The following SLC7A5 variants were observed in gnomAD, a reference collection of about 807,000 sequenced individuals.
The protein encoded by SLC7A5 is solute carrier family 7 member 5, also known as large neutral amino acids transporter small subunit 1.
In SLC7A5, 23 loss-of-function variants were observed where a neutral mutation model predicts 50.2. That is an observed-to-expected ratio of 0.46 (90% confidence interval 0.33 to 0.65). SLC7A5 has a LOEUF of 0.65. SLC7A5 is among the 30% of genes least tolerant of loss of function. SLC7A5 has a pLI of 0.02. For missense variants in SLC7A5, 578 were observed against 684.4 expected (o/e 0.84, Z 1.73); for synonymous variants, 393 against 330.6 (o/e 1.19, Z -2.05).
At position 87,861,455 on chromosome 16, in the gene SLC7A5, G is replaced by C. The variant is rs192943676; in HGVS notation, c.538+7430C>G. On this transcript the variant is annotated intron_variant, in intron 1 of 9. Transcript: ENST00000261622. The surrounding 1 kb of genome is among the most constrained non-coding windows in gnomAD (Gnocchi z 4.2). ...TGCCTGATGACAAATGGTGGCCTCA[G>C]TGTAGAGGTGGGCACTGTGGCCCCT... Among the ~76,000 whole-genome samples the C allele has an allele frequency of 1.1e-4, 17 of 152,302 alleles. 1 individual carries two copies. In the East Asian group the frequency reaches 2.9e-3, roughly 26 times the overall value.
rs528553166 is a variant in SLC7A5, at chr16:87,863,872, G to A, written c.538+5013C>T. Among the ~76,000 whole-genome samples the A allele has an allele frequency of 3.9e-3, 589 of 151,390 alleles. 2 individuals are homozygous for A. The highest frequency in any genetic ancestry group is 0.012 in the African/African-American group (489 of 41,314). On this transcript the variant is annotated intron_variant, in intron 1 of 9. Transcript: ENST00000261622. ...GCCCGAGGGCTGAGGATCCAGACCC[G>A]AAAGCCACTGTACCTTCTGTAGGAT...
rs189022360 is a variant in SLC7A5, at chr16:87,830,846, C to T, written c.*2124G>A. 86 of 152,468 alleles carry T rather than the reference C, an allele frequency of 5.6e-4. No individual in the cohort carries two copies. The highest frequency in any genetic ancestry group is 1.2e-3 in the Non-Finnish European group (83 of 68,110). 9.4% of individuals were successfully genotyped at this position (152,468 alleles called of 1,614,324 possible). ...GTGCCGTCGAGAGGCCGCCGGCTCC[C>T]TGTATCCTTGAGGCATGTCCACGTC... On this transcript the variant is annotated 3_prime_UTR_variant, in exon 10 of 10. Transcript: ENST00000261622.
At chr16:87,844,895 C>G (rs879848393) in intron 2 of SLC7A5, among the ~76,000 whole-genome samples, 1 of 152,254 alleles carries the variant, frequency 6.6e-6, no homozygotes, top group South Asian at 2.1e-4. Flanking sequence ...GCTGCAAATG[C>G]GGTCTCCGCA....
intron 1 of SLC7A5, among the ~76,000 whole-genome samples, chr16:87,858,644 G>C (rs1419595442): frequency 6.6e-6 from 1 of 152,128 alleles, no homozygotes; most frequent in Non-Finnish European, 1.5e-5. Context: ...GGACATCCAG[G>C]TCTCCTAAAT....
intron 7 of SLC7A5, 31 bp from the exon 8 acceptor site, chr16:87,836,678 G>A: frequency 6.2e-7 from 1 of 1,608,110 alleles, no homozygotes; most frequent in Non-Finnish European, 8.5e-7. Context: ...GCTGAGCCCT[G>A]GGGCCCACGA....
At position 87,853,579 on chromosome 16, in the gene SLC7A5, G is replaced by A. The variant is rs1373364780; in HGVS notation, c.539-1730C>T. Among the ~76,000 whole-genome samples the A allele has an allele frequency of 6.6e-6, 1 of 152,200 alleles. No individual in the cohort carries two copies. Among genetic ancestry groups the A allele is most frequent in the Non-Finnish European group, 1.5e-5 (1 of 68,038 alleles). On this transcript the variant is annotated intron_variant, in intron 1 of 9. Coordinates refer to ENST00000261622, the MANE Select transcript of SLC7A5 (RefSeq NM_003486.7). This position sits in a 1 kb window ranked among gnomAD's most constrained non-coding sequence, Gnocchi z 4.4. ...CAGGGCTCAGCAGGGTCAGGTCAGT[G>A]GGTCTAGGCAGCTCCTTGTCCGCTG... is the stretch of plus-strand genomic sequence containing the variant.
At chr16:87,835,688 A>T (rs551642836) in intron 8 of SLC7A5, among the ~76,000 whole-genome samples, 1 of 152,042 alleles carries the variant, frequency 6.6e-6, no homozygotes, top group African/African-American at 2.4e-5. Flanking sequence ...GTTAGCCAGG[A>T]TGGTCTCTAT....
At chr16:87,863,635 A>T (rs1174894874) in intron 1 of SLC7A5, 2 of 152,124 alleles carry the variant, frequency 1.3e-5, no homozygotes, top group African/African-American at 2.4e-5. Context: ...CACGCGTGAA[A>T]GGACCTCATC....
chr16:87,866,663 C>T (rs1253005134), intron 1 of SLC7A5, among the ~76,000 whole-genome samples: 1 of 152,124 alleles, frequency 6.6e-6, no homozygotes, highest in Non-Finnish European at 1.5e-5. Flanking sequence ...GATGGGGTTT[C>T]ACCATGTTGG....
intron 2 of SLC7A5, among the ~76,000 whole-genome samples, chr16:87,849,386 A>C (rs1258884881): frequency 6.6e-6 from 1 of 152,248 alleles, no homozygotes; most frequent in African/African-American, 2.4e-5. Context: ...AAAGCTCAGA[A>C]GGGAATTGCT....
chr16:87,866,542 T>TA (rs2055463421), intron 1 of SLC7A5, among the ~76,000 whole-genome samples: 1 of 152,132 alleles, frequency 6.6e-6, no homozygotes. Context: ...CTCAGCTCAC[T>TA]GCAACCTCCA....
In SLC7A5 at chr16:87,832,980, T is replaced by G; in HGVS notation, c.1514A>C (p.Gln505Pro). 6.2e-7 allele frequency: 1 copy of G among 1,613,694 alleles called. No homozygotes were observed. The highest frequency in any genetic ancestry group is 8.5e-7 in the Non-Finnish European group (1 of 1,179,764). Reference protein sequence around the residue: ...LCQKLMQVVPQET With the variant: ...LCQKLMQVVPPET ...CACTCGGCCTCCTGGCTATGTCTCC[T>G]GGGGGACCACCTGCATGAGCTTCTG... The change falls in exon 10 of 10, where the codon CAG becomes CCG. Residue 505 changes from glutamine (Q) to proline (P), a missense_variant. This residue lies in a region of SLC7A5 where 465 missense variants were observed against 594.6 expected (regional missense o/e 0.78). Coordinates refer to ENST00000261622, the MANE Select transcript of SLC7A5 (RefSeq NM_003486.7). This position sits in a 1 kb window ranked among gnomAD's most constrained non-coding sequence, Gnocchi z 4.6.
At chr16:87,842,935 C>T (rs77953542) in intron 2 of SLC7A5, among the ~76,000 whole-genome samples, 2,903 of 152,282 alleles carry the variant, frequency 0.019, 47 homozygotes, top group Non-Finnish European at 0.029. Flanking sequence ...GCAGACCCTT[C>T]ACATCTGCAT....
intron 8 of SLC7A5, among the ~76,000 whole-genome samples, chr16:87,836,100 C>T (rs999990479): frequency 1.6e-4 from 24 of 152,214 alleles, no homozygotes; most frequent in Admixed American, 1.5e-3. Flanking sequence ...CCAGCTGGGC[C>T]CAGGCGCTCC....
At chr16:87,848,252 C>T (rs2055178131) in intron 2 of SLC7A5, among the ~76,000 whole-genome samples, 1 of 152,230 alleles carries the variant, frequency 6.6e-6, no homozygotes, top group African/African-American at 2.4e-5. Context: ...TGTAACTGTT[C>T]AAGGAGAGAT....
chr16:87,844,139 C>T (rs182470208), intron 2 of SLC7A5, among the ~76,000 whole-genome samples: 3 of 150,822 alleles, frequency 2.0e-5, no homozygotes, highest in East Asian at 1.9e-4. Context: ...CACAGAGACG[C>T]GAGAACAGAC....
At chr16:87,842,669 G>T (rs1326975583) in intron 2 of SLC7A5, among the ~76,000 whole-genome samples, 1 of 152,178 alleles carries the variant, frequency 6.6e-6, no homozygotes, top group Non-Finnish European at 1.5e-5. Flanking sequence ...TACACTGGGG[G>T]TGCTGGTGGG....
intron 1 of SLC7A5, among the ~76,000 whole-genome samples, chr16:87,867,710 G>A (rs995074712): frequency 5.3e-5 from 8 of 152,248 alleles, no homozygotes; most frequent in African/African-American, 1.9e-4. Context: ...GATGCAGGCC[G>A]ATCCATGCCA....
In SLC7A5 at chr16:87,838,696, G is replaced by A. The variant is rs1191025164; in HGVS notation, c.1043+18C>T. On this transcript the variant is annotated intron_variant, in intron 6 of 9. Coordinates refer to ENST00000261622, the MANE Select transcript of SLC7A5 (RefSeq NM_003486.7). Reference sequence around the variant, plus strand: ...GGCCTGGGCCTCCCTCACCTGTGGTGGGTCGGGCTGTGCTCACCTGGAGGA... The same window carrying A: ...GGCCTGGGCCTCCCTCACCTGTGGTAGGTCGGGCTGTGCTCACCTGGAGGA... The A allele has an allele frequency of 6.3e-7, 1 of 1,591,910 alleles. No homozygotes were observed. The highest frequency in any genetic ancestry group is 1.3e-5 in the African/African-American group (1 of 74,458).
Sources: gnomAD v4.1 joint callset for allele counts (sites outside exome capture counted in the v4.1 genomes callset) on GRCh38, gnomAD v4.1.1 for gene constraint, gnomAD v4.1.1 regional missense constraint, Gnocchi (gnomAD v3.1) non-coding constraint, MANE v1.5 for transcripts, NCBI Gene and HGNC (gene_info 2026-07-23, HGNC 2026-07-21) for gene names.